QTMAN: variants seen among roughly 807,000 people sequenced by gnomAD.
QTMAN encodes queuosine-tRNA mannosyltransferase.
At chr2:144,236,899 G>C in the QTMAN span, among the ~76,000 whole-genome samples, 1 of 151,808 alleles carries the variant, frequency 6.6e-6, no homozygotes, top group Non-Finnish European at 1.5e-5. Context: ...AAAAGGGGTG[G>C]GGTATAAGAA....
At chr2:143,972,284 A>T in the QTMAN span, among the ~76,000 whole-genome samples, 5 of 152,158 alleles carry the variant, frequency 3.3e-5, no homozygotes, top group Non-Finnish European at 7.4e-5. Context: ...TTCTCTAGGA[A>T]ATACTTAGAT....
chr2:144,234,892 T>C, the QTMAN span, among the ~76,000 whole-genome samples: 1 of 152,280 alleles, frequency 6.6e-6, no homozygotes, highest in South Asian at 2.1e-4. Flanking sequence ...CTTCAAACAA[T>C]ATACACGCTT....
chr2:144,250,538 T>C, the QTMAN span, among the ~76,000 whole-genome samples: 4 of 152,194 alleles, frequency 2.6e-5, no homozygotes, highest in African/African-American at 7.2e-5. Flanking sequence ...CTGATAATCA[T>C]TATAATTTCC....
the QTMAN span, among the ~76,000 whole-genome samples, chr2:144,206,361 A>G: frequency 6.6e-6 from 1 of 152,212 alleles, no homozygotes; most frequent in African/African-American, 2.4e-5. Context: ...TATTTAGTGT[A>G]GCAAAAGGTT....
the QTMAN span, among the ~76,000 whole-genome samples, chr2:144,062,265 G>A: frequency 3.3e-5 from 5 of 152,140 alleles, no homozygotes; most frequent in Non-Finnish European, 5.9e-5. Flanking sequence ...TCCCCTTCCC[G>A]TAAGGCGTTT....
At chr2:144,187,406 C>G in the QTMAN span, among the ~76,000 whole-genome samples, 4 of 152,110 alleles carry the variant, frequency 2.6e-5, no homozygotes, top group East Asian at 1.9e-4. Flanking sequence ...TCCAGTCTTG[C>G]GAGAGCCAGA....
At chr2:144,113,365 G>A in the QTMAN span, among the ~76,000 whole-genome samples, 36 of 151,904 alleles carry the variant, frequency 2.4e-4, no homozygotes, top group African/African-American at 8.0e-4. Flanking sequence ...AAAAAGAATC[G>A]GTGACCCTGA....
chr2:144,060,323 C>T, the QTMAN span, among the ~76,000 whole-genome samples: 2 of 152,008 alleles, frequency 1.3e-5, no homozygotes, highest in East Asian at 1.9e-4. Flanking sequence ...TGCAATGGCA[C>T]GATCTCGGCT....
At chr2:144,188,955 G>C in the QTMAN span, among the ~76,000 whole-genome samples, 2 of 151,890 alleles carry the variant, frequency 1.3e-5, no homozygotes, top group African/African-American at 4.8e-5. Context: ...CAAAACAAGA[G>C]GAAAGGAAAT....
At chr2:143,955,812 C>T in the QTMAN span, among the ~76,000 whole-genome samples, 1 of 152,212 alleles carries the variant, frequency 6.6e-6, no homozygotes, top group African/African-American at 2.4e-5. Context: ...CCTAATTGCA[C>T]ACTTTCTCCT....
chr2:144,321,769 AT>A, the QTMAN span, among the ~76,000 whole-genome samples: 23 of 150,194 alleles, frequency 1.5e-4, no homozygotes, highest in African/African-American at 4.9e-4. Context: ...CACCGGGCTA[AT>A]TTTTTTTTTA....
the QTMAN span, among the ~76,000 whole-genome samples, chr2:143,951,674 CTAA>C: frequency 6.6e-6 from 1 of 151,504 alleles, no homozygotes; most frequent in African/African-American, 2.4e-5. Context: ...TCCTTTTAAA[CTAA>C]TGAGTTACAT....
the QTMAN span, among the ~76,000 whole-genome samples, chr2:143,998,790 T>C: frequency 6.6e-6 from 1 of 152,090 alleles, no homozygotes; most frequent in Non-Finnish European, 1.5e-5. Flanking sequence ...AAATGCATTA[T>C]TCTATTTTAA....
chr2:144,263,321 C>G, the QTMAN span, among the ~76,000 whole-genome samples: 1 of 152,114 alleles, frequency 6.6e-6, no homozygotes, highest in African/African-American at 2.4e-5. Flanking sequence ...TGGGTGACCT[C>G]TGATGGTCTC....
chr2:143,956,784 AT>A, the QTMAN span, among the ~76,000 whole-genome samples: 41 of 150,780 alleles, frequency 2.7e-4, no homozygotes, highest in Admixed American at 1.1e-3. Flanking sequence ...TAATTTAATC[AT>A]TTTTTTTTCC....
At chr2:144,224,066 T>C in the QTMAN span, among the ~76,000 whole-genome samples, 264 of 152,358 alleles carry the variant, frequency 1.7e-3, 1 homozygote, top group South Asian at 8.5e-3. Context: ...GGAATGACAG[T>C]CTTCCATTTC....
the QTMAN span, among the ~76,000 whole-genome samples, chr2:143,978,271 C>T: frequency 6.6e-6 from 1 of 152,150 alleles, no homozygotes; most frequent in African/African-American, 2.4e-5. Context: ...GCTTGGTTTC[C>T]AAATACTGTA....
the QTMAN span, among the ~76,000 whole-genome samples, chr2:144,283,758 A>G: frequency 6.6e-6 from 1 of 152,258 alleles, no homozygotes; most frequent in Non-Finnish European, 1.5e-5. Flanking sequence ...CACTCTAAAA[A>G]TAACTAAAAG....
chr2:144,058,170 A>AC, the QTMAN span, among the ~76,000 whole-genome samples: 1 of 141,328 alleles, frequency 7.1e-6, no homozygotes, highest in Admixed American at 7.3e-5. Context: ...ACACACACAC[A>AC]AAGAAACTTT....
Sources: gnomAD v4.1 joint callset for allele counts (sites outside exome capture counted in the v4.1 genomes callset) on GRCh38, gnomAD v4.1.1 for gene constraint, MANE v1.5 for transcripts, NCBI Gene and HGNC (gene_info 2026-07-23, HGNC 2026-07-21) for gene names.